CNTN5: variants seen among roughly 807,000 people sequenced by gnomAD.
The protein encoded by CNTN5 is contactin 5.
A neutral mutation model predicts 129.1 loss-of-function variants in CNTN5; 77 were observed. The observed-to-expected ratio is 0.60, with a 90% CI of 0.50 to 0.72. The LOEUF (loss-of-function observed/expected upper bound fraction) is 0.72. CNTN5 is among the 30% of genes least tolerant of loss of function. CNTN5 has a pLI of 0.00. For synonymous variants in CNTN5, 509 were observed against 465.6 expected (o/e 1.09, Z -1.20); for missense variants, 1,478 against 1,328.8 (o/e 1.11, Z -1.75).
intron 19 of CNTN5, 103 bp from the exon 20 acceptor site, chr11:100,299,059 C>T (rs1371402088): frequency 1.4e-6 from 1 of 701,330 alleles, no homozygotes; most frequent in Non-Finnish European, 2.3e-6. Flanking sequence ...TTGAGATTCT[C>T]CCTTTCTCTA....
intron 1 of CNTN5, among the ~76,000 whole-genome samples, chr11:99,068,025 T>G (rs1865175323): frequency 6.6e-6 from 1 of 152,126 alleles, no homozygotes; most frequent in South Asian, 2.1e-4. Flanking sequence ...TTATTCTCCT[T>G]CTTGCCACCT....
chr11:99,964,422 G>T (rs1210463883), intron 8 of CNTN5, among the ~76,000 whole-genome samples: 1 of 152,136 alleles, frequency 6.6e-6, no homozygotes, highest in African/African-American at 2.4e-5. Context: ...TAATCATGTG[G>T]TTTTTGCCGT....
intron 13 of CNTN5, among the ~76,000 whole-genome samples, chr11:100,185,027 G>A (rs938528628): frequency 2.0e-5 from 3 of 152,012 alleles, no homozygotes; most frequent in Admixed American, 6.6e-5. Context: ...CTGCCGCCAT[G>A]TGAAGAAGGA....
chr11:99,223,033 C>T (rs2135707271), intron 1 of CNTN5, among the ~76,000 whole-genome samples: 1 of 152,156 alleles, frequency 6.6e-6, no homozygotes, highest in Non-Finnish European at 1.5e-5. Context: ...TTTTCTTTTC[C>T]AAATGAGAGA....
chr11:99,755,049 G>GTAA (rs1944362857), intron 3 of CNTN5, among the ~76,000 whole-genome samples: 1 of 151,974 alleles, frequency 6.6e-6, no homozygotes, highest in African/African-American at 2.4e-5. Flanking sequence ...CTTTGACTTA[G>GTAA]TAATACTCAT....
chr11:99,631,831 AGTTACCTGTG>A (rs1565369219), intron 3 of CNTN5, among the ~76,000 whole-genome samples: 1 of 152,130 alleles, frequency 6.6e-6, no homozygotes, highest in Non-Finnish European at 1.5e-5. Context: ...CTGTGGTTGT[AGTTACCTGTG>A]GTTACTTGTG....
intron 2 of CNTN5, among the ~76,000 whole-genome samples, chr11:99,347,299 A>G (rs1937962422): frequency 6.6e-6 from 1 of 152,188 alleles, no homozygotes; most frequent in African/African-American, 2.4e-5. Flanking sequence ...CAAAAAGATT[A>G]TTATTATCAA....
At chr11:99,033,238 C>G (rs1310453976) in intron 1 of CNTN5, among the ~76,000 whole-genome samples, 2 of 151,542 alleles carry the variant, frequency 1.3e-5, no homozygotes, top group Non-Finnish European at 2.9e-5. Context: ...TTAGGATTGA[C>G]TTGGCAATGC....
At chr11:99,900,966 G>T (rs1413570075) in intron 6 of CNTN5, among the ~76,000 whole-genome samples, 2 of 151,908 alleles carry the variant, frequency 1.3e-5, no homozygotes, top group African/African-American at 4.8e-5. Flanking sequence ...CAGAATGTCG[G>T]CTCTGGCATC....
At chr11:99,405,007 CT>C (rs574997570) in intron 2 of CNTN5, among the ~76,000 whole-genome samples, 22 of 151,592 alleles carry the variant, frequency 1.5e-4, no homozygotes, top group South Asian at 6.3e-4. Flanking sequence ...TAAGGTAAAA[CT>C]TTTTTTTTCC....
chr11:99,166,397 CAAAAAA>C, intron 1 of CNTN5, among the ~76,000 whole-genome samples: 1 of 82,888 alleles, frequency 1.2e-5, no homozygotes, highest in East Asian at 3.3e-4. Flanking sequence ...AAGACTCTGT[CAAAAAA>C]AAAAAAAAAA....
intron 13 of CNTN5, among the ~76,000 whole-genome samples, chr11:100,113,516 T>G (rs2138128396): frequency 7.1e-6 from 1 of 140,384 alleles, no homozygotes; most frequent in African/African-American, 2.6e-5. Context: ...AACAAAAAAC[T>G]TTGAAAAGTA....
At chr11:99,126,771 T>A (rs76057750) in intron 1 of CNTN5, among the ~76,000 whole-genome samples, 1 of 152,172 alleles carries the variant, frequency 6.6e-6, no homozygotes, top group East Asian at 1.9e-4. Flanking sequence ...CTTTCAAAAT[T>A]CAAATTTTTC....
At chr11:100,023,661 C>T (rs1046584009) in intron 9 of CNTN5, among the ~76,000 whole-genome samples, 108 of 152,124 alleles carry the variant, frequency 7.1e-4, no homozygotes, top group African/African-American at 2.5e-3. Flanking sequence ...TTCCATCTAC[C>T]CATCTCTCTG....
chr11:99,513,208 T>G lies in CNTN5; in HGVS notation c.-70-42937T>G, dbSNP rs114333973. On this transcript the variant is annotated intron_variant, in intron 2 of 24. Coordinates refer to ENST00000524871, the MANE Select transcript of CNTN5 (RefSeq NM_014361.4). ...GCCTAATACAGAGAAAAGCCCTTACTCTTTGATTCTTTGAAGGCTGACAGA... is the reference window on the plus strand; with the variant it reads ...GCCTAATACAGAGAAAAGCCCTTACGCTTTGATTCTTTGAAGGCTGACAGA... 3.1e-3 allele frequency among the ~76,000 whole-genome samples: 477 copies of G among 152,288 alleles called. 2 individuals carry two copies. The highest frequency in any genetic ancestry group is 0.011 in the African/African-American group (466 of 41,572).
rs140653338 is a variant in CNTN5, at chr11:99,848,071, C to A, written c.577+2809C>A. The stretch of plus-strand genomic sequence containing the variant: ...CTAAAAATACAAAAAATTAGCCGGG[C>A]CTGGTGGCACATGCCTGTAGTCCCA... On this transcript the variant is annotated intron_variant, in intron 6 of 24. Transcript: ENST00000524871. Among the ~76,000 whole-genome samples, 1,020 of 152,144 alleles carry A rather than the reference C, an allele frequency of 6.7e-3. 12 individuals are homozygous for A. The highest frequency in any genetic ancestry group is 0.022 in the African/African-American group (913 of 41,524).
At chr11:99,053,009 C>A (rs910688267) in intron 1 of CNTN5, among the ~76,000 whole-genome samples, 1 of 151,780 alleles carries the variant, frequency 6.6e-6, no homozygotes, top group African/African-American at 2.4e-5. Flanking sequence ...ATACAGGGCC[C>A]GTCATCCTAC....
chr11:99,776,518 A>AAT (rs1285131091), intron 3 of CNTN5, among the ~76,000 whole-genome samples: 2 of 151,788 alleles, frequency 1.3e-5, no homozygotes, highest in Non-Finnish European at 2.9e-5. Flanking sequence ...CTGAGCTTAA[A>AAT]ATATATATAT....
chr11:99,047,875 T>C (rs1591102733), intron 1 of CNTN5, among the ~76,000 whole-genome samples: 1 of 152,214 alleles, frequency 6.6e-6, no homozygotes, highest in African/African-American at 2.4e-5. Flanking sequence ...CAAATTGACT[T>C]GTACTCTTGA....
Sources: gnomAD v4.1 joint callset for allele counts (sites outside exome capture counted in the v4.1 genomes callset) on GRCh38, gnomAD v4.1.1 for gene constraint, MANE v1.5 for transcripts, NCBI Gene and HGNC (gene_info 2026-07-23, HGNC 2026-07-21) for gene names.